Variants in DMTF1 observed in about 807,000 individuals in gnomAD.
DMTF1 encodes cyclin-D-binding Myb-like transcription factor 1.
Under a neutral mutation model 91.1 loss-of-function variants are expected in DMTF1, and 39 were observed. The ratio of observed to expected loss-of-function variants is 0.43; its 90% confidence interval spans 0.33 to 0.56. The LOEUF is 0.56. Among genes scored for constraint, DMTF1 ranks in the 20% least tolerant of loss-of-function variants. DMTF1 has a pLI of 0.05. For synonymous variants in DMTF1, 338 were observed against 309.5 expected (o/e 1.09, Z -0.97); for missense variants, 750 against 914.5 (o/e 0.82, Z 2.32).
At chr7:87,169,355 A>T (rs1794580616) in intron 4 of DMTF1, among the ~76,000 whole-genome samples, 1 of 152,094 alleles carries the variant, frequency 6.6e-6, no homozygotes, top group African/African-American at 2.4e-5. Flanking sequence ...GCTGCTAGGG[A>T]GGCTGAGGTG....
In DMTF1 at chr7:87,184,566, T is replaced by G; in HGVS notation, c.990T>G (p.Asn330Lys). ...QCRSKWLNYL[N>K]WKQSGGTEWT... The stretch of plus-strand genomic sequence containing the variant: ...GTTCTAAATGGCTCAACTACCTGAA[T>G]TGGAAACAGAGTGGGGGTACTGAAT... The change falls in exon 11 of 18, where the codon AAT (asparagine) becomes AAG (lysine). Residue 330 changes from asparagine to lysine, a missense_variant. Physicochemically the swap from Asn to Lys is moderately conservative, Grantham distance 94 (BLOSUM62 0). Coordinates refer to ENST00000331242, the MANE Select transcript of DMTF1 (RefSeq NM_001142327.2). 1 of 1,613,912 alleles carries G rather than the reference T, an allele frequency of 6.2e-7. No homozygotes were observed. Among genetic ancestry groups the G allele is most frequent in the South Asian group, 1.1e-5 (1 of 91,076 alleles).
chr7:87,195,296 C>T lies in DMTF1; in HGVS notation c.*156C>T, dbSNP rs1801022987. On this transcript the variant is annotated 3_prime_UTR_variant, in exon 18 of 18. Transcript: ENST00000331242. ...ACATTGTTGCTGCTATGACTTTTTACCTCCTTTAAACACATCATCTGAGGT... is the reference window on the plus strand; with the variant it reads ...ACATTGTTGCTGCTATGACTTTTTATCTCCTTTAAACACATCATCTGAGGT... The T allele has an allele frequency of 1.7e-6, 1 of 591,598 alleles. No homozygotes were observed. The highest frequency in any genetic ancestry group is 3.0e-6 in the Non-Finnish European group (1 of 333,448). The allele number at this position is 591,598 out of a possible 1,614,324, so 36.6% of individuals were successfully genotyped here.
At chr7:87,156,080 G>T (rs968198927) in intron 1 of DMTF1, among the ~76,000 whole-genome samples, 3 of 152,112 alleles carry the variant, frequency 2.0e-5, no homozygotes, top group African/African-American at 7.2e-5. Flanking sequence ...TACTGTATAT[G>T]TCCATGTAAA....
chr7:87,160,505 C>A (rs1348068208), intron 1 of DMTF1, among the ~76,000 whole-genome samples: 1 of 151,862 alleles, frequency 6.6e-6, no homozygotes, highest in Non-Finnish European at 1.5e-5. Flanking sequence ...GAACTCCTGA[C>A]CTCAGGTGAT....
At chr7:87,163,079 CAT>C (rs1792895465) in intron 1 of DMTF1, 1 of 151,572 alleles carries the variant, frequency 6.6e-6, no homozygotes, top group East Asian at 1.9e-4. Flanking sequence ...TAAGATAAAA[CAT>C]AAAGAGGTGT....
Position 87,194,570 on chromosome 7 carries a change from ATTC to A in DMTF1, c.2029-112_2029-110del. 4 of 720,288 alleles carry A rather than the reference ATTC, an allele frequency of 5.6e-6. 1 individual carries two copies. The South Asian group carries it at 1.0e-4, about 18-fold the overall frequency. 44.6% of individuals were successfully genotyped at this position (720,288 alleles called of 1,614,324 possible). A position where few individuals can be genotyped will look rare whatever the true frequency, so the allele number is the denominator to read the frequency against. On this transcript the variant is annotated intron_variant, in intron 16 of 17. Transcript: ENST00000331242. Reference sequence around the variant, plus strand: ...GTGAGACCTTAACTTTTTATTTTATATTCTGATTTTTAAATGGGTTATGTTTAA... The same window carrying A: ...GTGAGACCTTAACTTTTTATTTTATATGATTTTTAAATGGGTTATGTTTAA...
chr7:87,194,700 C>T lies in DMTF1; in HGVS notation c.2045C>T (p.Thr682Ile). 6.2e-7 allele frequency: 1 copy of T among 1,607,978 alleles called. No homozygotes were observed. The highest frequency in any genetic ancestry group is 8.5e-7 in the Non-Finnish European group (1 of 1,175,574). ...GTTATTTAGGGTTTAGAGTCTCCCA[C>T]TATAGAAGAACAAGTTGATCAAACA... is the stretch of plus-strand genomic sequence containing the variant. The part of the protein sequence containing the change: ...AYVTEGLESP[T>I]IEEQVDQTID... Residue 682 changes from threonine (T) to isoleucine (I), a missense_variant, in exon 17 of 18, where the codon ACT becomes ATT. Coordinates refer to ENST00000331242, the MANE Select transcript of DMTF1 (RefSeq NM_001142327.2).
intron 1 of DMTF1, chr7:87,163,175 TA>T (rs1792934586): frequency 6.6e-6 from 1 of 151,690 alleles, no homozygotes; most frequent in African/African-American, 2.4e-5. Context: ...TACATAATGG[TA>T]CCACAGTCTA....
At chr7:87,158,379 A>G (rs1200259988) in intron 1 of DMTF1, among the ~76,000 whole-genome samples, 1 of 152,108 alleles carries the variant, frequency 6.6e-6, no homozygotes, top group South Asian at 2.1e-4. Flanking sequence ...TGAATTCTGT[A>G]CCATTATTTA....
At chr7:87,194,386 T>C in intron 16 of DMTF1, 1 of 482,278 alleles carries the variant, frequency 2.1e-6, no homozygotes, top group Non-Finnish European at 3.6e-6. Flanking sequence ...AGCATTTTCC[T>C]GAGTGGTTAG....
chr7:87,175,459 A>G (rs1251699318), intron 7 of DMTF1, among the ~76,000 whole-genome samples: 2 of 152,152 alleles, frequency 1.3e-5, no homozygotes, highest in African/African-American at 4.8e-5. Context: ...TTTTGAACAC[A>G]GTATTTTTAA....
chr7:87,188,896 C>A (rs1799094251), intron 13 of DMTF1, among the ~76,000 whole-genome samples: 1 of 152,112 alleles, frequency 6.6e-6, no homozygotes, highest in Admixed American at 6.5e-5. Context: ...TTTATCCCTT[C>A]CCGTCAGTCT....
intron 10 of DMTF1, among the ~76,000 whole-genome samples, chr7:87,182,635 AT>A (rs1797611892): frequency 6.6e-6 from 1 of 152,216 alleles, no homozygotes; most frequent in African/African-American, 2.4e-5. Context: ...TTGAGAAAGT[AT>A]TTTGAAGACA....
chr7:87,190,332 T>A (rs1799463757), intron 13 of DMTF1, among the ~76,000 whole-genome samples: 1 of 152,094 alleles, frequency 6.6e-6, no homozygotes, highest in South Asian at 2.1e-4. Flanking sequence ...AACATTAGTT[T>A]ATAAAGTAAG....
intron 12 of DMTF1, 79 bp from the exon 13 acceptor site, chr7:87,188,013 C>G: frequency 1.8e-6 from 2 of 1,121,126 alleles, no homozygotes; most frequent in Non-Finnish European, 2.7e-6. Flanking sequence ...CCCTCCTTAC[C>G]TCCCCCCACC....
Position 87,190,646 on chromosome 7 carries a change from A to G in DMTF1, c.1412-299A>G, listed in dbSNP as rs570283381. 1.5e-3 allele frequency among the ~76,000 whole-genome samples: 225 copies of G among 152,190 alleles called. 1 individual carries two copies. The highest frequency in any genetic ancestry group is 2.7e-3 in the Non-Finnish European group (185 of 67,952). Reference sequence around the variant, plus strand: ...TCAACTCTGTTGTAGTGCTAAAGTAACCACAGAAAATATATAAACCAGTAG... The same window carrying G: ...TCAACTCTGTTGTAGTGCTAAAGTAGCCACAGAAAATATATAAACCAGTAG... On this transcript the variant is annotated intron_variant, in intron 13 of 17. Transcript: ENST00000331242.
chr7:87,189,156 A>G (rs1392445016), intron 13 of DMTF1, among the ~76,000 whole-genome samples: 1 of 152,136 alleles, frequency 6.6e-6, no homozygotes, highest in African/African-American at 2.4e-5. Flanking sequence ...GCCAGTCATT[A>G]TGAGAAACAG....
At chr7:87,173,151 A>G (rs1795483873) in intron 5 of DMTF1, among the ~76,000 whole-genome samples, 2 of 152,154 alleles carry the variant, frequency 1.3e-5, no homozygotes, top group Admixed American at 1.3e-4. Flanking sequence ...ACAGATAATA[A>G]CTGTATATTG....
At chr7:87,185,806 C>T (rs772470232) in intron 11 of DMTF1, 23 bp from the exon 12 acceptor site, 24 of 1,612,786 alleles carry the variant, frequency 1.5e-5, no homozygotes, top group Admixed American at 1.3e-4. Flanking sequence ...TAATGTCTAA[C>T]GATGCTTATT....
Sources: gnomAD v4.1 joint callset for allele counts (sites outside exome capture counted in the v4.1 genomes callset) on GRCh38, gnomAD v4.1.1 for gene constraint, MANE v1.5 for transcripts, NCBI Gene and HGNC (gene_info 2026-07-23, HGNC 2026-07-21) for gene names.